PPP2R1B: variants seen among roughly 807,000 people sequenced by gnomAD.
The protein encoded by PPP2R1B is serine/threonine-protein phosphatase 2A 65 kDa regulatory subunit A beta isoform.
PPP2R1B carries 58 observed loss-of-function variants against 72.7 expected under a neutral mutation model. That is an observed-to-expected ratio of 0.80 (90% CI 0.65 to 0.99). The LOEUF (loss-of-function observed/expected upper bound fraction) is 0.99, where lower values mean the gene tolerates loss of function less well. PPP2R1B is among the 50% of genes least tolerant of loss of function. The pLI is 0.00. For missense variants in PPP2R1B, 695 were observed against 733.6 expected (o/e 0.95, Z 0.61); for synonymous variants, 256 against 264.6 (o/e 0.97, Z 0.32).
the PPP2R1B span, chr11:111,704,920 A>T: frequency 2.2e-6 from 3 of 1,372,738 alleles, no homozygotes; most frequent in South Asian, 1.5e-5. Context: ...CTTTTTTTTT[A>T]GGCATGTGTA....
intron 5 of PPP2R1B, 77 bp from the exon 6 acceptor site, chr11:111,755,527 T>TA (rs1565465356): frequency 2.2e-6 from 3 of 1,351,126 alleles, no homozygotes; most frequent in South Asian, 1.5e-5. Context: ...TGCAGGTGTT[T>TA]AAAAAAATTA....
chr11:111,726,926 G>A (rs755349475), exon 16 of PPP2R1B: 1 of 1,595,956 alleles, frequency 6.3e-7, no homozygotes, highest in African/African-American at 1.3e-5. Context: ...AATATGTGTG[G>A]TACTTTATTT....
chr11:111,746,721 CAT>C (rs540652644), intron 11 of PPP2R1B, among the ~76,000 whole-genome samples: 2 of 152,148 alleles, frequency 1.3e-5, no homozygotes, highest in African/African-American at 4.8e-5. Flanking sequence ...TCAGATATAA[CAT>C]AAACATTTTT....
rs1240374913 is a variant in PPP2R1B at position 111,727,411 on chromosome 11, A to G, written c.1912-354T>C. 12 of 280,222 alleles carry G rather than the reference A, an allele frequency of 4.3e-5. No homozygotes were observed. In the South Asian group the frequency reaches 8.7e-4, roughly 20 times the overall value. 17.4% of individuals were successfully genotyped at this position (280,222 alleles called of 1,614,324 possible). ...AGTGTTTAAACCGTATGCTGGAGTC[A>G]GTGGTTGGGACAGACAGGAGCCCAA... On this transcript the variant is annotated intron_variant, in intron 15 of 15. Coordinates refer to the PPP2R1B transcript ENST00000311129.
At chr11:111,722,606 T>G, downstream of PPP2R1B, 1 of 1,510,672 alleles carries the variant, frequency 6.6e-7, no homozygotes, top group Non-Finnish European at 9.1e-7. This position sits in a 1 kb window ranked among gnomAD's most constrained non-coding sequence, Gnocchi z 4.4. Flanking sequence ...GCACATCTGA[T>G]GACTGCATCC....
intron 1 of PPP2R1B, 37 bp downstream of exon 1, chr11:111,766,211 C>T: frequency 6.2e-7 from 1 of 1,605,914 alleles, no homozygotes; most frequent in Non-Finnish European, 8.5e-7. Context: ...ACGCGACCAG[C>T]CGGTCTCGCC....
In PPP2R1B at chr11:111,738,530, T is replaced by C. The variant is rs75066790; in HGVS notation, c.*3066A>G. 8.7e-3 allele frequency: 8,583 copies of C among 985,488 alleles called. 45 individuals carry two copies. Among genetic ancestry groups the C allele is most frequent in the Middle Eastern group, 0.025 (48 of 1,914 alleles). The allele number at this position is 985,488 out of a possible 1,614,324, so 61.0% of individuals were successfully genotyped here. A position where few individuals can be genotyped will look rare whatever the true frequency, so the allele number is the denominator to read the frequency against. On this transcript the variant is annotated 3_prime_UTR_variant, in exon 15 of 15. Coordinates refer to ENST00000527614, the MANE Select transcript of PPP2R1B (RefSeq NM_002716.5). ...TGGAAGTCTACGCAAGCAACCTGAATGCCTGGACAAGCCAGCTCAAAGGTC... is the reference window on the plus strand; with the variant it reads ...TGGAAGTCTACGCAAGCAACCTGAACGCCTGGACAAGCCAGCTCAAAGGTC...
chr11:111,708,581 G>T, the PPP2R1B span, among the ~76,000 whole-genome samples: 1 of 151,760 alleles, frequency 6.6e-6, no homozygotes, highest in South Asian at 2.1e-4. Flanking sequence ...TTTTGGTGGG[G>T]TTTTGGGGGA....
chr11:111,691,767 A>G, the PPP2R1B span, among the ~76,000 whole-genome samples: 1 of 152,182 alleles, frequency 6.6e-6, no homozygotes, highest in Non-Finnish European at 1.5e-5. Context: ...ATTTTAGTAA[A>G]TGTTTATTAA....
At chr11:111,698,675 C>T in the PPP2R1B span, among the ~76,000 whole-genome samples, 2 of 152,192 alleles carry the variant, frequency 1.3e-5, no homozygotes, top group African/African-American at 2.4e-5. Context: ...CGTGCCATTG[C>T]ACTCTAGCCT....
chr11:111,755,558 C>A (rs1758803995), intron 5 of PPP2R1B, 108 bp from the exon 6 acceptor site: 3 of 975,820 alleles, frequency 3.1e-6, no homozygotes, highest in African/African-American at 1.7e-5. Context: ...GACTGCCACA[C>A]CTTATATAGT....
chr11:111,764,017 T>C (rs1408219195), intron 3 of PPP2R1B, among the ~76,000 whole-genome samples: 1 of 151,722 alleles, frequency 6.6e-6, no homozygotes. Flanking sequence ...TGTCCAACTG[T>C]TGAATTCCTG....
chr11:111,747,002 A>G (rs1944726453), intron 11 of PPP2R1B, among the ~76,000 whole-genome samples: 1 of 152,248 alleles, frequency 6.6e-6, no homozygotes, highest in African/African-American at 2.4e-5. Context: ...ATAAGCAGAC[A>G]CAAATATCCT....
In PPP2R1B at chr11:111,752,848, A is replaced by C. The variant is rs185543239; in HGVS notation, c.1165-516T>G. On this transcript the variant is annotated intron_variant, in intron 9 of 14. Transcript: ENST00000527614. Reference sequence around the variant, plus strand: ...TGCTGTGGCAGGCGCCTGTAGTCCCAGCTACTCAGGAGGCTGAGGCAAGAG... The same window carrying C: ...TGCTGTGGCAGGCGCCTGTAGTCCCCGCTACTCAGGAGGCTGAGGCAAGAG... Among the ~76,000 whole-genome samples, 1,040 of 152,318 alleles carry C rather than the reference A, an allele frequency of 6.8e-3. 16 individuals carry two copies. Among genetic ancestry groups the C allele is most frequent in the African/African-American group, 0.023 (972 of 41,570 alleles).
At chr11:111,746,894 C>T (rs1944723324) in intron 11 of PPP2R1B, among the ~76,000 whole-genome samples, 1 of 152,158 alleles carries the variant, frequency 6.6e-6, no homozygotes, top group African/African-American at 2.4e-5. Context: ...AGCCCTTATA[C>T]ATTTTCACAT....
At chr11:111,763,131 A>C (rs1945388894) in intron 3 of PPP2R1B, among the ~76,000 whole-genome samples, 1 of 152,186 alleles carries the variant, frequency 6.6e-6, no homozygotes, top group African/African-American at 2.4e-5. Flanking sequence ...CCCTGAGGAG[A>C]TGCATTGAAG....
chr11:111,721,958 C>CTCATCCAGAATCTGCTCATCCA, downstream of PPP2R1B: 1 of 1,534,706 alleles, frequency 6.5e-7, no homozygotes. Flanking sequence ...CTTCTCCTTG[C>CTCATCCAGAATCTGCTCATCCA]GAGTCCACCT....
Position 111,737,894 on chromosome 11 carries a change from G to T in PPP2R1B, c.*3702C>A. On this transcript the variant is annotated 3_prime_UTR_variant, in exon 15 of 15. Coordinates refer to ENST00000527614, the MANE Select transcript of PPP2R1B (RefSeq NM_002716.5). ...CTGGCTCCTTTCAGAACTCATATCA[G>T]TTTAAGAGAACAACTCTGGAGACAG... The T allele has an allele frequency of 9.0e-7, 1 of 1,109,288 alleles. No homozygotes were observed. The highest frequency in any genetic ancestry group is 3.3e-5 in the South Asian group (1 of 29,924). 68.7% of individuals were successfully genotyped at this position (1,109,288 alleles called of 1,614,324 possible).
the PPP2R1B span, among the ~76,000 whole-genome samples, chr11:111,690,058 A>T: frequency 6.6e-6 from 1 of 152,000 alleles, no homozygotes; most frequent in Non-Finnish European, 1.5e-5. Context: ...TTGTTGTGAA[A>T]ATGTGATGCA....
Sources: gnomAD v4.1 joint callset for allele counts (sites outside exome capture counted in the v4.1 genomes callset) on GRCh38, gnomAD v4.1.1 for gene constraint, Gnocchi (gnomAD v3.1) non-coding constraint, MANE v1.5 for transcripts, NCBI Gene and HGNC (gene_info 2026-07-23, HGNC 2026-07-21) for gene names.